SEC16A: variants seen among roughly 807,000 people sequenced by gnomAD.
SEC16A encodes the protein SEC16 homolog A, endoplasmic reticulum export factor.
Under a neutral mutation model 221.9 loss-of-function variants are expected in SEC16A, and 110 were observed. The ratio of observed to expected loss-of-function variants is 0.50; its 90% CI spans 0.42 to 0.58. The LOEUF is 0.58. Among genes scored for constraint, SEC16A ranks in the 20% least tolerant of loss-of-function variants. The pLI is 0.00. For synonymous variants in SEC16A, 1,393 were observed against 1,257.7 expected (o/e 1.11, Z -2.28); for missense variants, 3,165 against 3,097.8 (o/e 1.02, Z -0.52).
At chr9:136,479,644 GC>G (rs1842074039) in intron 1 of SEC16A, among the ~76,000 whole-genome samples, 1 of 152,114 alleles carries the variant, frequency 6.6e-6, no homozygotes, top group African/African-American at 2.4e-5. Flanking sequence ...GAGCCACCGT[GC>G]CTGGCCAATC....
In SEC16A at chr9:136,466,922, C is replaced by G. The variant is rs754628475; in HGVS notation, c.3929+35G>C. Reference sequence around the variant, plus strand: ...GAAGCACTAGCGCGCCCTGGCTGCCCCCAGCCTCTGCCTCCCCAGGGGTGC... The same window carrying G: ...GAAGCACTAGCGCGCCCTGGCTGCCGCCAGCCTCTGCCTCCCCAGGGGTGC... On this transcript the variant is annotated intron_variant, in intron 6 of 31. Transcript: ENST00000684901. The surrounding 1 kb of genome is among the most constrained non-coding windows in gnomAD (Gnocchi z 5.5). The G allele has an allele frequency of 3.1e-6, 5 of 1,600,658 alleles. No individual in the cohort carries two copies. The highest frequency in any genetic ancestry group is 3.5e-5 in the Admixed American group (2 of 57,960).
intron 31 of SEC16A, 142 bp from the exon 32 acceptor site, chr9:136,441,965 C>T: frequency 2.8e-6 from 2 of 709,724 alleles, no homozygotes; most frequent in Non-Finnish European, 4.8e-6. Context: ...GTTTTTGTTT[C>T]CAAAAGCCTC....
chr9:136,471,301 C>G (rs1028286465), intron 4 of SEC16A, among the ~76,000 whole-genome samples: 3 of 126,334 alleles, frequency 2.4e-5, no homozygotes, highest in African/African-American at 2.7e-5. Flanking sequence ...ACCCTCGTCT[C>G]TACAAAAAAA....
intron 5 of SEC16A, among the ~76,000 whole-genome samples, chr9:136,468,103 G>A (rs1386563077): frequency 1.3e-5 from 2 of 152,230 alleles, no homozygotes; most frequent in African/African-American, 2.4e-5. Flanking sequence ...ACGAAGGCAC[G>A]TGTGGACACA....
rs150824286 is a variant in SEC16A, at chr9:136,475,675, T to A, written c.1941A>T (p.Pro647=). The part of the protein sequence containing the change: ...ETCVRQKQCR[P]AAALPDASPG... ...GGGAAGCATCGGGCAGGGCGGCAGC[T>A]GGTCTGCACTGCTTCTGGCGGACAC... The change falls in exon 3 of 32, where the codon CCA becomes CCT. Residue 647 remains proline (P), a synonymous_variant. Transcript: ENST00000684901. This position sits in a 1 kb window ranked among gnomAD's most constrained non-coding sequence, Gnocchi z 5.0. 1 of 1,613,718 alleles carries A rather than the reference T, an allele frequency of 6.2e-7. No homozygotes were observed. The highest frequency in any genetic ancestry group is 1.3e-5 in the African/African-American group (1 of 75,034).
In SEC16A at chr9:136,477,491, G is replaced by C. The variant is rs753318947; in HGVS notation, c.125C>G (p.Ala42Gly). Residue 42 changes from alanine (A) to glycine (G), a missense_variant, in exon 3 of 32, where the codon GCT becomes GGT. This residue lies in a region of SEC16A where 2,030 missense variants were observed against 1,923.1 expected (regional missense o/e 1.06). Transcript: ENST00000684901. ...CGGCTGCAACGGGCAAGTTGTCGGA[G>C]CCACTGCTGCATTATTATTAGCCCG... ...RRRANNNAAVAPTTCPLQPVT... is the reference protein window; with the variant it reads ...RRRANNNAAVGPTTCPLQPVT... 4 of 1,613,994 alleles carry C rather than the reference G, an allele frequency of 2.5e-6. No individual in the cohort carries two copies. The highest frequency in any genetic ancestry group is 3.4e-6 in the Non-Finnish European group (4 of 1,179,898).
At position 136,463,586 on chromosome 9, in the gene SEC16A, C is replaced by T. The variant is rs2132430276; in HGVS notation, c.4524G>A (p.Lys1508=). 1 of 1,613,842 alleles carries T rather than the reference C, an allele frequency of 6.2e-7. No homozygotes were observed. Among genetic ancestry groups the T allele is most frequent in the South Asian group, 1.1e-5 (1 of 91,086 alleles). The change falls in exon 11 of 32, where the codon AAG becomes AAA. Residue 1508 remains lysine (K), a synonymous_variant. Coordinates refer to ENST00000684901, the MANE Select transcript of SEC16A (RefSeq NM_014866.2). The part of the protein sequence containing the change: ...PGPLAKDDTH[K]VDVINFAQNK... Reference sequence around the variant, plus strand: ...TCTGTGCAAAATTAATGACATCCACCTTATGGGTGTCGTCTCTGCAGAAAG... The same window carrying T: ...TCTGTGCAAAATTAATGACATCCACTTTATGGGTGTCGTCTCTGCAGAAAG...
intron 9 of SEC16A, among the ~76,000 whole-genome samples, 179 bp from the exon 10 acceptor site, chr9:136,463,919 C>A (rs1839825750): frequency 6.6e-6 from 1 of 152,210 alleles, no homozygotes; most frequent in Non-Finnish European, 1.5e-5. Context: ...CCTGTGTGGA[C>A]CACAGCCATG....
In SEC16A at chr9:136,466,497, G is replaced by A. The variant is rs369257454; in HGVS notation, c.3930-35C>T. 1.3e-6 allele frequency: 2 copies of A among 1,550,428 alleles called. No homozygotes were observed. The highest frequency in any genetic ancestry group is 3.7e-5 in the Admixed American group (2 of 53,586). ...GCCGGGGGACAGAGGCAGAGGAATG[G>A]GAGTGCCGGAGGCCCCGTCCCCATG... On this transcript the variant is annotated intron_variant, in intron 6 of 31. Transcript: ENST00000684901. This position sits in a 1 kb window ranked among gnomAD's most constrained non-coding sequence, Gnocchi z 5.5.
chr9:136,447,553 C>A lies in SEC16A; in HGVS notation c.6559+16G>T. The stretch of plus-strand genomic sequence containing the variant: ...TTAATCGTTCAAGCAAGCTCCCACT[C>A]CAAGGCCACCCTTACCTGCTCTTCT... On this transcript the variant is annotated intron_variant, in intron 26 of 31. Transcript: ENST00000684901. This position sits in a 1 kb window ranked among gnomAD's most constrained non-coding sequence, Gnocchi z 5.5. 2 of 1,602,534 alleles carry A rather than the reference C, an allele frequency of 1.2e-6. No homozygotes were observed.
At position 136,481,129 on chromosome 9, in the gene SEC16A, CTTTTTTTTTTTT is replaced by C. The variant is rs1000992506; in HGVS notation, c.-192+1797_-192+1808del. ...TGTCACCACTACAGGGAATTTTATT[CTTTTTTTTTTTT>C]TTTTTTTTTTTGAGACGGAGTCTTG... On this transcript the variant is annotated intron_variant, in intron 1 of 31. Coordinates refer to ENST00000684901, the MANE Select transcript of SEC16A (RefSeq NM_014866.2). Among the ~76,000 whole-genome samples the C allele has an allele frequency of 6.0e-3, 526 of 87,990 alleles. 2 individuals carry two copies. The highest frequency in any genetic ancestry group is 7.9e-3 in the Non-Finnish European group (373 of 47,076). 57.7% of individuals were successfully genotyped at this position (87,990 alleles called of 152,430 possible). A position where few individuals can be genotyped will look rare whatever the true frequency, so the allele number is the denominator to read the frequency against.
chr9:136,454,136 G>T lies in SEC16A; in HGVS notation c.6049C>A (p.Leu2017Ile). The T allele has an allele frequency of 6.4e-7, 1 of 1,552,962 alleles. No individual in the cohort carries two copies. Among genetic ancestry groups the T allele is most frequent in the Non-Finnish European group, 8.7e-7 (1 of 1,148,136 alleles). ...GGGTCTGGGCTCCTGGCTTCCTGGAGCAAGTGTCTCCTTTCCTGCAGAGGT... is the reference window on the plus strand; with the variant it reads ...GGGTCTGGGCTCCTGGCTTCCTGGATCAAGTGTCTCCTTTCCTGCAGAGGT... Reference protein sequence around the residue: ...VPPLQERRHLLQEARSPDPGI... With the variant: ...VPPLQERRHLIQEARSPDPGI... Residue 2017 changes from leucine (L) to isoleucine (I), a missense_variant, in exon 21 of 32, where the codon CTC (leucine) becomes ATC (isoleucine). By Grantham distance (5) the Leu-to-Ile change is conservative (BLOSUM62 2). Coordinates refer to ENST00000684901, the MANE Select transcript of SEC16A (RefSeq NM_014866.2).
At chr9:136,463,785 A>G in intron 9 of SEC16A, 45 bp from the exon 10 acceptor site, 1 of 1,607,626 alleles carries the variant, frequency 6.2e-7, no homozygotes, top group South Asian at 1.1e-5. Context: ...GTGCGCAGCC[A>G]CCCTGCTGGC....
chr9:136,461,572 C>T (rs1839483958), intron 12 of SEC16A, among the ~76,000 whole-genome samples: 1 of 152,218 alleles, frequency 6.6e-6, no homozygotes, highest in South Asian at 2.1e-4. Context: ...GCCCACCACG[C>T]CGCCCCATCC....
chr9:136,482,044 TTTTGAGACTCACTGTAGTAACCAC>T (rs1842440002), intron 1 of SEC16A, among the ~76,000 whole-genome samples: 1 of 152,038 alleles, frequency 6.6e-6, no homozygotes, highest in Non-Finnish European at 1.5e-5. Context: ...TTAAGTACAA[TTTTGAGACTCACTGTAGTAACCAC>T]TATTAACAGT....
chr9:136,444,548 C>G (rs1836678594), intron 30 of SEC16A, among the ~76,000 whole-genome samples: 1 of 152,140 alleles, frequency 6.6e-6, no homozygotes, highest in Non-Finnish European at 1.5e-5. Context: ...ACTAGGACAC[C>G]TCAGGGTCGA....
chr9:136,463,336 A>T, intron 11 of SEC16A, 127 bp downstream of exon 11: 2 of 1,326,944 alleles, frequency 1.5e-6, no homozygotes, highest in South Asian at 2.8e-5. Flanking sequence ...GTGCTTCCTA[A>T]GGGGGCCCTC....
Position 136,466,498 on chromosome 9 carries a change from G to A in SEC16A, c.3930-36C>T, listed in dbSNP as rs763132573. On this transcript the variant is annotated intron_variant, in intron 6 of 31. Transcript: ENST00000684901. This position sits in a 1 kb window ranked among gnomAD's most constrained non-coding sequence, Gnocchi z 5.5. The stretch of plus-strand genomic sequence containing the variant: ...CCGGGGGACAGAGGCAGAGGAATGG[G>A]AGTGCCGGAGGCCCCGTCCCCATGT... 6.4e-7 allele frequency: 1 copy of A among 1,550,606 alleles called. No homozygotes were observed. Among genetic ancestry groups the A allele is most frequent in the South Asian group, 1.2e-5 (1 of 83,000 alleles).
chr9:136,448,911 G>T, intron 23 of SEC16A: 1 of 683,904 alleles, frequency 1.5e-6, no homozygotes, highest in Non-Finnish European at 2.7e-6. Context: ...TTCTGTTTGG[G>T]AAGGTGAGAC....
Sources: allele counts gnomAD v4.1 joint callset (sites outside exome capture counted in the v4.1 genomes callset), GRCh38; gene constraint gnomAD v4.1.1; regional missense constraint gnomAD v4.1.1; non-coding constraint Gnocchi (gnomAD v3.1); transcripts MANE v1.5; gene names NCBI Gene and HGNC (gene_info 2026-07-23, HGNC 2026-07-21).